SLFN5: variants seen among roughly 807,000 people sequenced by gnomAD.
SLFN5 encodes the protein schlafen family member 5.
In SLFN5, 34 loss-of-function variants were observed where a neutral mutation model predicts 48.5. The observed-to-expected ratio is 0.70, with a 90% CI of 0.53 to 0.93. SLFN5 has a LOEUF of 0.93. SLFN5 is among the 40% of genes least tolerant of loss of function. The probability of loss-of-function intolerance (pLI) is 0.00; values close to 1 mark genes in which losing one functional copy is unlikely to be tolerated. For missense variants in SLFN5, 1,006 were observed against 1,071.3 expected (o/e 0.94, Z 0.85); for synonymous variants, 387 against 396.2 (o/e 0.98, Z 0.28).
rs1377423261 is a variant in SLFN5 at position 35,273,179 on chromosome 17, G to C, written c.*7291G>C. The C allele has an allele frequency of 6.6e-6, 1 of 152,164 alleles. No homozygotes were observed. The highest frequency in any genetic ancestry group is 2.4e-5 in the African/African-American group (1 of 41,442). 9.4% of individuals were successfully genotyped at this position (152,164 alleles called of 1,614,324 possible). A position where few individuals can be genotyped will look rare whatever the true frequency, so the allele number is the denominator to read the frequency against. On this transcript the variant is annotated 3_prime_UTR_variant, in exon 5 of 5. Coordinates refer to ENST00000299977, the MANE Select transcript of SLFN5 (RefSeq NM_144975.4). Reference sequence around the variant, plus strand: ...TGGGGGACCATCTTTAAGATATACTGTGGTGTTGAACAAAACAACATGCTG... The same window carrying C: ...TGGGGGACCATCTTTAAGATATACTCTGGTGTTGAACAAAACAACATGCTG...
intron 1 of SLFN5, among the ~76,000 whole-genome samples, chr17:35,254,251 C>T (rs1291965300): frequency 2.0e-5 from 3 of 152,104 alleles, no homozygotes; most frequent in Non-Finnish European, 2.9e-5. Context: ...CCCCTACTCT[C>T]CACCCTCTCA....
At position 35,259,119 on chromosome 17, in the gene SLFN5, T is replaced by C; in HGVS notation, c.429T>C (p.Thr143=). The part of the protein sequence containing the change: ...ALAFLKCRTQ[T]PTNINVSNSL... ...CATTCCTCAAATGCAGGACTCAGAC[T>C]CCAACGAATATTAATGTTTCCAATT... The change falls in exon 2 of 5, where the codon ACT becomes ACC. Residue 143 remains threonine (T), a synonymous_variant. Transcript: ENST00000299977. 1 of 1,614,134 alleles carries C rather than the reference T, an allele frequency of 6.2e-7. No individual in the cohort carries two copies.
intron 2 of SLFN5, among the ~76,000 whole-genome samples, chr17:35,260,607 T>A (rs1904492949): frequency 6.6e-6 from 1 of 151,968 alleles, no homozygotes; most frequent in East Asian, 1.9e-4. Context: ...ACGCCTGTAA[T>A]CCCAGCTGCT....
rs895197518 is a variant in SLFN5 at position 35,270,435 on chromosome 17, C to G, written c.*4547C>G. On this transcript the variant is annotated 3_prime_UTR_variant, in exon 5 of 5. Transcript: ENST00000299977. The stretch of plus-strand genomic sequence containing the variant: ...AAAAGCGCCTCTCCATGAACTAAAA[C>G]CTATGAGTCATTGGTACAGGTAGGG... The G allele has an allele frequency of 6.6e-6, 1 of 152,210 alleles. No individual in the cohort carries two copies. The highest frequency in any genetic ancestry group is 1.5e-5 in the Non-Finnish European group (1 of 68,060). 9.4% of individuals were successfully genotyped at this position (152,210 alleles called of 1,614,324 possible).
intron 2 of SLFN5, 39 bp from the exon 3 acceptor site, chr17:35,260,932 C>T: frequency 6.2e-7 from 1 of 1,609,032 alleles, no homozygotes; most frequent in Non-Finnish European, 8.5e-7. Context: ...TTGGGGTCTG[C>T]CTTTTTGCAT....
intron 1 of SLFN5, among the ~76,000 whole-genome samples, chr17:35,244,009 T>A (rs1318997710): frequency 6.6e-6 from 1 of 152,168 alleles, no homozygotes; most frequent in East Asian, 1.9e-4. Flanking sequence ...AAGTCTTTCT[T>A]CGTCTCAGAT....
At position 35,265,446 on chromosome 17, in the gene SLFN5, T is replaced by C. The variant is rs770538200; in HGVS notation, c.2234T>C (p.Leu745Pro). The change falls in exon 5 of 5, where the codon CTC becomes CCC. Residue 745 changes from leucine to proline, a missense_variant. Transcript: ENST00000299977. ...CTCCCCCCTGGGTCCCTGGTGATGC[T>C]CTATGAACCTAAATGGGCTCAAGGT... ...PNLPPGSLVM[L>P]YEPKWAQGVP... is the part of the protein sequence containing the mutation. The C allele has an allele frequency of 1.2e-6, 2 of 1,614,204 alleles. No homozygotes were observed. The highest frequency in any genetic ancestry group is 1.7e-5 in the Admixed American group (1 of 60,032).
At position 35,266,908 on chromosome 17, in the gene SLFN5, T is replaced by C. The variant is rs1203114195; in HGVS notation, c.*1020T>C. ...CTCTCAATATTTAAAGCCAAACAAA[T>C]CCATCTTTTCTGAGAGACAGAAACT... is the stretch of plus-strand genomic sequence containing the variant. On this transcript the variant is annotated 3_prime_UTR_variant, in exon 5 of 5. Coordinates refer to ENST00000299977, the MANE Select transcript of SLFN5 (RefSeq NM_144975.4). 6.6e-6 allele frequency: 1 copy of C among 152,170 alleles called. No individual in the cohort carries two copies. Among genetic ancestry groups the C allele is most frequent in the Non-Finnish European group, 1.5e-5 (1 of 68,024 alleles). The allele number at this position is 152,170 out of a possible 1,614,324, so 9.4% of individuals were successfully genotyped here.
rs578233253 is a variant in SLFN5, at chr17:35,266,606, C to G, written c.*718C>G. 11 of 152,166 alleles carry G rather than the reference C, an allele frequency of 7.2e-5. No individual in the cohort carries two copies. In the South Asian group the frequency reaches 8.3e-4, roughly 11 times the overall value. The allele number at this position is 152,166 out of a possible 1,614,324, so 9.4% of individuals were successfully genotyped here. ...GCTCTGATTTTTTATTCTTATGGAG[C>G]GTCTTAGGTTACTACATGAAGGTAA... On this transcript the variant is annotated 3_prime_UTR_variant, in exon 5 of 5. Coordinates refer to ENST00000299977, the MANE Select transcript of SLFN5 (RefSeq NM_144975.4).
At position 35,273,483 on chromosome 17, in the gene SLFN5, A is replaced by G. The variant is rs1904884924; in HGVS notation, c.*7595A>G. ...TTTCTATCAATGAATATCCTGGGAT[A>G]AACCCCTCATGATCATAATGAATAA... is the stretch of plus-strand genomic sequence containing the variant. On this transcript the variant is annotated 3_prime_UTR_variant, in exon 5 of 5. Transcript: ENST00000299977. 1 of 152,244 alleles carries G rather than the reference A, an allele frequency of 6.6e-6. No homozygotes were observed. Among genetic ancestry groups the G allele is most frequent in the Non-Finnish European group, 1.5e-5 (1 of 68,042 alleles). The allele number at this position is 152,244 out of a possible 1,614,324, so 9.4% of individuals were successfully genotyped here. A position where few individuals can be genotyped will look rare whatever the true frequency, so the allele number is the denominator to read the frequency against.
intron 1 of SLFN5, among the ~76,000 whole-genome samples, chr17:35,248,982 G>A (rs1373579485): frequency 2.0e-5 from 3 of 151,908 alleles, no homozygotes; most frequent in Admixed American, 6.6e-5. Flanking sequence ...CAAAAAGTAA[G>A]GCAAAGTCTC....
At chr17:35,248,240 G>A (rs971009658) in intron 1 of SLFN5, among the ~76,000 whole-genome samples, 1 of 152,130 alleles carries the variant, frequency 6.6e-6, no homozygotes, top group Non-Finnish European at 1.5e-5. Flanking sequence ...GAACAAAATT[G>A]TTCATTTGAC....
chr17:35,248,084 C>T (rs2092434752), intron 1 of SLFN5, among the ~76,000 whole-genome samples: 1 of 152,150 alleles, frequency 6.6e-6, no homozygotes, highest in Non-Finnish European at 1.5e-5. Context: ...ATGGGGTCTT[C>T]TAAGTCTAAA....
rs1050791572 is a variant in SLFN5 at position 35,243,434 on chromosome 17, C to A, written c.-41+291C>A. 3.9e-5 allele frequency among the ~76,000 whole-genome samples: 6 copies of A among 152,180 alleles called. No individual in the cohort carries two copies. In the East Asian group the frequency reaches 1.2e-3, roughly 29 times the overall value. ...CCAGCGCAGCCTACATCTTAGCAAA[C>A]CAAACCTGGCAACATTTCCCCACGG... On this transcript the variant is annotated intron_variant, in intron 1 of 4. Transcript: ENST00000299977.
At position 35,271,068 on chromosome 17, in the gene SLFN5, G is replaced by T. The variant is rs1904818961; in HGVS notation, c.*5180G>T. On this transcript the variant is annotated 3_prime_UTR_variant, in exon 5 of 5. Coordinates refer to ENST00000299977, the MANE Select transcript of SLFN5 (RefSeq NM_144975.4). ...CAAGGGTAGACGTAAGCAGAATACAGGTAGCATATTCAAACTGCTGTGGAA... is the reference window on the plus strand; with the variant it reads ...CAAGGGTAGACGTAAGCAGAATACATGTAGCATATTCAAACTGCTGTGGAA... The T allele has an allele frequency of 6.6e-6, 1 of 152,124 alleles. No homozygotes were observed. The highest frequency in any genetic ancestry group is 1.5e-5 in the Non-Finnish European group (1 of 68,028). 9.4% of individuals were successfully genotyped at this position (152,124 alleles called of 1,614,324 possible). A position where few individuals can be genotyped will look rare whatever the true frequency, so the allele number is the denominator to read the frequency against.
At position 35,266,012 on chromosome 17, in the gene SLFN5, G is replaced by T; in HGVS notation, c.*124G>T. Reference sequence around the variant, plus strand: ...GTCACATACTTTTCTAGGTGCTGGGGATTGAGAACGAATCGATGTAAGATT... The same window carrying T: ...GTCACATACTTTTCTAGGTGCTGGGTATTGAGAACGAATCGATGTAAGATT... On this transcript the variant is annotated 3_prime_UTR_variant, in exon 5 of 5. Transcript: ENST00000299977. 9.8e-7 allele frequency: 1 copy of T among 1,018,176 alleles called. No homozygotes were observed. The highest frequency in any genetic ancestry group is 1.4e-6 in the Non-Finnish European group (1 of 719,430). The allele number at this position is 1,018,176 out of a possible 1,614,324, so 63.1% of individuals were successfully genotyped here.
chr17:35,265,995 C>T lies in SLFN5; in HGVS notation c.*107C>T, dbSNP rs1904674008. On this transcript the variant is annotated 3_prime_UTR_variant, in exon 5 of 5. Transcript: ENST00000299977. ...ACACACTCACTTATTAAGTCACATA[C>T]TTTTCTAGGTGCTGGGGATTGAGAA... 2 of 1,213,634 alleles carry T rather than the reference C, an allele frequency of 1.6e-6. No individual in the cohort carries two copies. Among genetic ancestry groups the T allele is most frequent in the African/African-American group, 3.1e-5 (2 of 65,460 alleles). 75.2% of individuals were successfully genotyped at this position (1,213,634 alleles called of 1,614,324 possible). A position where few individuals can be genotyped will look rare whatever the true frequency, so the allele number is the denominator to read the frequency against.
chr17:35,259,918 G>A (rs73993125), intron 2 of SLFN5: 242 of 577,002 alleles, frequency 4.2e-4, no homozygotes, highest in African/African-American at 4.0e-3. Context: ...TTCAACAGAT[G>A]CCCTGGCTAG....
In SLFN5 at chr17:35,264,652, C is replaced by G; in HGVS notation, c.1608C>G (p.Val536=). The part of the protein sequence containing the change: ...MEALLQSLVI[V]LLGFKSFLSE... The stretch of plus-strand genomic sequence containing the variant: ...CCCTGTTACAGTCCCTCGTGATAGT[C>G]TTGCTTGGGTTCAAATCCTTCTTAA... The change falls in exon 4 of 5, where the codon GTC becomes GTG. Residue 536 remains valine (V), a synonymous_variant. Coordinates refer to ENST00000299977, the MANE Select transcript of SLFN5 (RefSeq NM_144975.4). 1 of 1,614,056 alleles carries G rather than the reference C, an allele frequency of 6.2e-7. No homozygotes were observed. The highest frequency in any genetic ancestry group is 8.5e-7 in the Non-Finnish European group (1 of 1,179,970).
Sources: gnomAD v4.1 joint callset for allele counts (sites outside exome capture counted in the v4.1 genomes callset) on GRCh38, gnomAD v4.1.1 for gene constraint, MANE v1.5 for transcripts, NCBI Gene and HGNC (gene_info 2026-07-23, HGNC 2026-07-21) for gene names.